KCNMB2: variants seen among roughly 807,000 people sequenced by gnomAD.
KCNMB2 encodes calcium-activated potassium channel subunit beta-2.
In KCNMB2, 9 loss-of-function variants were observed where a neutral mutation model predicts 24.5. That is an observed-to-expected ratio of 0.37 (90% CI 0.22 to 0.64). The LOEUF is 0.64. KCNMB2 is among the 30% of genes least tolerant of loss of function. The pLI, the probability that KCNMB2 is intolerant of heterozygous loss-of-function variation, is 0.63. For synonymous variants in KCNMB2, 109 were observed against 104.4 expected (o/e 1.04, Z -0.27); for missense variants, 226 against 284.3 (o/e 0.79, Z 1.47).
intron 1 of KCNMB2, among the ~76,000 whole-genome samples, chr3:178,573,018 A>T (rs1201843819): frequency 6.6e-6 from 1 of 152,062 alleles, no homozygotes; most frequent in Non-Finnish European, 1.5e-5. Flanking sequence ...CATTTGAGGA[A>T]GAATTTTTTT....
At chr3:178,546,808 G>T (rs1477778) in intron 1 of KCNMB2, among the ~76,000 whole-genome samples, 35,856 of 152,202 alleles carry the variant, frequency 0.24, 4,967 homozygotes, top group East Asian at 0.43. Flanking sequence ...ACTTTCCAAA[G>T]GTATCTATGA....
At chr3:178,709,005 A>C (rs1722366952) in intron 1 of KCNMB2, among the ~76,000 whole-genome samples, 1 of 152,202 alleles carries the variant, frequency 6.6e-6, no homozygotes, top group Admixed American at 6.6e-5. Flanking sequence ...CTGATTTATA[A>C]GAAGCTTAAC....
At chr3:178,799,233 T>A (rs1302469659) in intron 1 of KCNMB2, among the ~76,000 whole-genome samples, 1 of 152,078 alleles carries the variant, frequency 6.6e-6, no homozygotes, top group Admixed American at 6.5e-5. Flanking sequence ...AAGGAAGAAG[T>A]CAAATTATCC....
At chr3:178,597,398 A>T (rs1183964581) in intron 1 of KCNMB2, among the ~76,000 whole-genome samples, 3 of 152,132 alleles carry the variant, frequency 2.0e-5, no homozygotes, top group Non-Finnish European at 2.9e-5. Flanking sequence ...GACCCATAGG[A>T]CACAGCCACT....
chr3:178,787,963 A>C lies in KCNMB2; in HGVS notation c.-67-19380A>C, dbSNP rs1005143449. Among the ~76,000 whole-genome samples the C allele has an allele frequency of 5.9e-5, 9 of 152,224 alleles. No homozygotes were observed. In the East Asian group the frequency reaches 1.2e-3, roughly 20 times the overall value. ...CCTCTTTGGGTAAAGAGTTCTCATA[A>C]AGGTTACTGTCAGATGCATACAAAT... On this transcript the variant is annotated intron_variant, in intron 1 of 4. Coordinates refer to ENST00000452583, the MANE Select transcript of KCNMB2 (RefSeq NM_181361.3).
At chr3:178,836,787 G>T (rs7427905) in intron 4 of KCNMB2, among the ~76,000 whole-genome samples, 98,900 of 151,760 alleles carry the variant, frequency 0.65, 34,300 homozygotes, top group African/African-American at 0.89. Context: ...AAATCTTCCC[G>T]TTCCCACACC....
chr3:178,781,488 AG>A (rs1712837501), intron 1 of KCNMB2, among the ~76,000 whole-genome samples: 1 of 152,164 alleles, frequency 6.6e-6, no homozygotes, highest in Admixed American at 6.6e-5. Context: ...GCTACTCGGG[AG>A]GCTGAGGCAG....
chr3:178,672,497 A>G (rs1261639317), intron 1 of KCNMB2, among the ~76,000 whole-genome samples: 7 of 152,202 alleles, frequency 4.6e-5, no homozygotes, highest in Non-Finnish European at 1.0e-4. Flanking sequence ...ATGTCCTTAA[A>G]GAGCTTGTAG....
chr3:178,622,158 G>A (rs1560135316), intron 1 of KCNMB2, among the ~76,000 whole-genome samples: 1 of 152,226 alleles, frequency 6.6e-6, no homozygotes, highest in Non-Finnish European at 1.5e-5. Flanking sequence ...CATGTAATAA[G>A]TTGTTTAAAA....
At chr3:178,662,535 G>C (rs114804053) in intron 1 of KCNMB2, among the ~76,000 whole-genome samples, 1,631 of 152,110 alleles carry the variant, frequency 0.011, 24 homozygotes, top group African/African-American at 0.037. Flanking sequence ...GGTATAAAAA[G>C]GACAAGAGCT....
chr3:178,575,628 C>A (rs943972165), intron 1 of KCNMB2, among the ~76,000 whole-genome samples: 12 of 152,062 alleles, frequency 7.9e-5, no homozygotes, highest in Non-Finnish European at 8.8e-5. Flanking sequence ...TATATAGATA[C>A]ACAGGATCAT....
At chr3:178,614,683 A>T (rs1292722440) in intron 1 of KCNMB2, among the ~76,000 whole-genome samples, 1 of 152,048 alleles carries the variant, frequency 6.6e-6, no homozygotes, top group East Asian at 1.9e-4. Context: ...TCTCTGTGTT[A>T]TCTGGAATTT....
At chr3:178,774,786 G>A (rs1294955366) in intron 1 of KCNMB2, among the ~76,000 whole-genome samples, 1 of 152,190 alleles carries the variant, frequency 6.6e-6, no homozygotes, top group African/African-American at 2.4e-5. Flanking sequence ...TGTCCAAAAT[G>A]AGCAGACAGT....
intron 1 of KCNMB2, among the ~76,000 whole-genome samples, chr3:178,609,807 T>A (rs1718416461): frequency 1.3e-5 from 2 of 152,022 alleles, no homozygotes; most frequent in Non-Finnish European, 2.9e-5. Flanking sequence ...CAGCTAATTT[T>A]CATATTTTTT....
intron 1 of KCNMB2, among the ~76,000 whole-genome samples, chr3:178,542,418 T>C (rs778134696): frequency 1.3e-5 from 2 of 152,174 alleles, no homozygotes; most frequent in Non-Finnish European, 2.9e-5. Context: ...TCATTACTAT[T>C]GTTATTTAAT....
chr3:178,663,065 TA>T (rs1305709071), intron 1 of KCNMB2, among the ~76,000 whole-genome samples: 1 of 152,166 alleles, frequency 6.6e-6, no homozygotes, highest in African/African-American at 2.4e-5. Context: ...TAGGCTTACT[TA>T]TTCTGTGGGA....
chr3:178,810,455 C>G (rs950839932), intron 2 of KCNMB2, among the ~76,000 whole-genome samples: 1 of 152,140 alleles, frequency 6.6e-6, no homozygotes, highest in Non-Finnish European at 1.5e-5. Context: ...CGTAGAATAC[C>G]AGGAAACCAG....
intron 1 of KCNMB2, among the ~76,000 whole-genome samples, chr3:178,640,677 G>A (rs1211605206): frequency 6.6e-6 from 1 of 152,078 alleles, no homozygotes; most frequent in Non-Finnish European, 1.5e-5. Context: ...CCCAACTCAT[G>A]AAGCCAAAAT....
At position 178,663,042 on chromosome 3, in the gene KCNMB2, A is replaced by C. The variant is rs1021217187; in HGVS notation, c.-68+126331A>C. ...AACTGAGATGGTTCATCTCTGCTCC[A>C]CGTGGTGTTGGCTAGGCTTACTTAT... is the stretch of plus-strand genomic sequence containing the variant. On this transcript the variant is annotated intron_variant, in intron 1 of 4. Coordinates refer to ENST00000452583, the MANE Select transcript of KCNMB2 (RefSeq NM_181361.3). Among the ~76,000 whole-genome samples, 4 of 152,210 alleles carry C rather than the reference A, an allele frequency of 2.6e-5. No homozygotes were observed. The East Asian group carries it at 7.7e-4, about 29-fold the overall frequency.
Sources: allele counts gnomAD v4.1 joint callset (sites outside exome capture counted in the v4.1 genomes callset), GRCh38; gene constraint gnomAD v4.1.1; transcripts MANE v1.5; gene names NCBI Gene and HGNC (gene_info 2026-07-23, HGNC 2026-07-21).